Variants in SPOCK3 observed in about 807,000 individuals in gnomAD.
The protein encoded by SPOCK3 is SPARC (osteonectin), cwcv and kazal like domains proteoglycan 3.
In SPOCK3, 30 loss-of-function variants were observed where a neutral mutation model predicts 56.6. The observed-to-expected ratio is 0.53, with a 90% CI of 0.40 to 0.72. SPOCK3 has a LOEUF of 0.72. Among genes scored for constraint, SPOCK3 ranks in the 30% least tolerant of loss-of-function variants. The pLI is 0.00. For missense variants in SPOCK3, 527 were observed against 530.0 expected (o/e 0.99, Z 0.06); for synonymous variants, 196 against 183.3 (o/e 1.07, Z -0.56).
intron 2 of SPOCK3, among the ~76,000 whole-genome samples, chr4:167,129,559 C>G (rs1762543936): frequency 6.6e-6 from 1 of 151,814 alleles, no homozygotes; most frequent in Non-Finnish European, 1.5e-5. Context: ...TTCAGACATT[C>G]TGTTTCTTTC....
At chr4:166,860,992 C>T (rs1450000017) in intron 6 of SPOCK3, among the ~76,000 whole-genome samples, 1 of 151,416 alleles carries the variant, frequency 6.6e-6, no homozygotes, top group Non-Finnish European at 1.5e-5. Context: ...ATGGGAAGAG[C>T]CTTAACTGTC....
At chr4:166,769,943 T>C (rs1374696575) in intron 7 of SPOCK3, among the ~76,000 whole-genome samples, 1 of 152,068 alleles carries the variant, frequency 6.6e-6, no homozygotes, top group African/African-American at 2.4e-5. Context: ...CAGACAGCTG[T>C]GCTAGTAACG....
At chr4:167,154,201 T>A (rs954977458) in intron 2 of SPOCK3, among the ~76,000 whole-genome samples, 1 of 151,924 alleles carries the variant, frequency 6.6e-6, no homozygotes, top group Non-Finnish European at 1.5e-5. Context: ...CACACACACA[T>A]ACACACACAT....
intron 2 of SPOCK3, among the ~76,000 whole-genome samples, chr4:167,148,579 C>T (rs1029940137): frequency 7.2e-5 from 11 of 152,122 alleles, no homozygotes; most frequent in African/African-American, 2.4e-4. Flanking sequence ...AAGTCATTCT[C>T]TAACTACAGA....
intron 3 of SPOCK3, among the ~76,000 whole-genome samples, chr4:167,044,944 C>A (rs1446049403): frequency 1.3e-5 from 2 of 152,034 alleles, no homozygotes; most frequent in Non-Finnish European, 2.9e-5. Context: ...ATTGATGGTG[C>A]TGTGAGTTCA....
intron 6 of SPOCK3, among the ~76,000 whole-genome samples, chr4:166,822,392 T>G (rs1287565809): frequency 6.6e-6 from 1 of 152,064 alleles, no homozygotes. Flanking sequence ...AAAACCTCTT[T>G]GAACACTCTT....
rs576775426 is a variant in SPOCK3, at chr4:167,126,769, G to GT, written c.190-64233dup. ...ATCCTTTTAGAAAACCACATACGCA[G>GT]TAACACCAGCAAAATCTGTTTAATT... On this transcript the variant is annotated intron_variant, in intron 2 of 10. Transcript: ENST00000357545. Among the ~76,000 whole-genome samples, 371 of 152,192 alleles carry GT rather than the reference G, an allele frequency of 2.4e-3. 2 individuals carry two copies. The highest frequency in any genetic ancestry group is 2.1e-3 in the Non-Finnish European group (143 of 68,018).
At chr4:167,155,130 T>C (rs1056576782) in intron 2 of SPOCK3, among the ~76,000 whole-genome samples, 1 of 152,152 alleles carries the variant, frequency 6.6e-6, no homozygotes, top group African/African-American at 2.4e-5. Context: ...TCCACTGTTT[T>C]TTTTTAAGGC....
intron 2 of SPOCK3, among the ~76,000 whole-genome samples, chr4:167,096,197 G>A (rs1759137631): frequency 6.6e-6 from 1 of 151,794 alleles, no homozygotes; most frequent in South Asian, 2.1e-4. Flanking sequence ...TTTGTCTGCA[G>A]GTTCAGTGCA....
At chr4:166,896,650 C>T (rs1018091401) in intron 5 of SPOCK3, among the ~76,000 whole-genome samples, 20 of 152,158 alleles carry the variant, frequency 1.3e-4, no homozygotes, top group African/African-American at 4.3e-4. Context: ...CATGAGACTG[C>T]CTTCCTCAAT....
intron 6 of SPOCK3, among the ~76,000 whole-genome samples, chr4:166,802,833 T>C (rs1430500592): frequency 1.3e-5 from 2 of 152,106 alleles, no homozygotes; most frequent in Non-Finnish European, 2.9e-5. Context: ...AACTTACAAC[T>C]AATTGCCTGA....
intron 6 of SPOCK3, among the ~76,000 whole-genome samples, chr4:166,847,647 T>TTTTATATATATATATATATATATA (rs369353581): frequency 3.6e-5 from 2 of 55,362 alleles, no homozygotes; most frequent in African/African-American, 1.0e-4. Flanking sequence ...AAATCCTAGT[T>TTTTATATATATATATATATATATA]TATATATATA....
chr4:166,919,964 C>T (rs1316801231), intron 4 of SPOCK3, among the ~76,000 whole-genome samples: 1 of 152,022 alleles, frequency 6.6e-6, no homozygotes, highest in African/African-American at 2.4e-5. Flanking sequence ...TGCTGATAGC[C>T]TTATGTGACA....
chr4:166,840,186 T>C (rs1268939633), intron 6 of SPOCK3, among the ~76,000 whole-genome samples: 2 of 152,176 alleles, frequency 1.3e-5, no homozygotes, highest in African/African-American at 4.8e-5. Context: ...TGATTTGTAT[T>C]GACACTTGAG....
At chr4:166,790,353 T>C (rs1741207435) in intron 7 of SPOCK3, among the ~76,000 whole-genome samples, 3 of 152,082 alleles carry the variant, frequency 2.0e-5, no homozygotes, top group Admixed American at 2.0e-4. Context: ...TTAAATAAGA[T>C]AGACCCAAAG....
At chr4:167,220,619 C>T (rs1176025317) in intron 2 of SPOCK3, among the ~76,000 whole-genome samples, 6 of 151,624 alleles carry the variant, frequency 4.0e-5, no homozygotes, top group African/African-American at 1.5e-4. Flanking sequence ...CTCCTGGCCA[C>T]AAGTCATCCT....
chr4:166,937,888 C>G (rs1039716214), intron 4 of SPOCK3, among the ~76,000 whole-genome samples: 3 of 149,578 alleles, frequency 2.0e-5, no homozygotes, highest in Non-Finnish European at 3.0e-5. Context: ...CTCAGCCTCC[C>G]GAGTAGCTGG....
At chr4:167,064,819 T>C (rs1166588419) in intron 2 of SPOCK3, among the ~76,000 whole-genome samples, 1 of 151,592 alleles carries the variant, frequency 6.6e-6, no homozygotes, top group Non-Finnish European at 1.5e-5. Context: ...ATATTGGGAT[T>C]AGTTATCAAA....
At chr4:166,763,728 T>A (rs1191005280) in intron 7 of SPOCK3, among the ~76,000 whole-genome samples, 2 of 152,076 alleles carry the variant, frequency 1.3e-5, no homozygotes, top group African/African-American at 4.8e-5. Flanking sequence ...TATTTGAAGG[T>A]ACATTGTGAT....
Sources: gnomAD v4.1 joint callset for allele counts (sites outside exome capture counted in the v4.1 genomes callset) on GRCh38, gnomAD v4.1.1 for gene constraint, MANE v1.5 for transcripts, NCBI Gene and HGNC (gene_info 2026-07-23, HGNC 2026-07-21) for gene names.